The following ANKRD6 variants were observed in gnomAD, a reference collection of about 807,000 sequenced individuals.
ANKRD6 encodes ankyrin repeat domain 6.
A neutral mutation model predicts 82.3 loss-of-function variants in ANKRD6; 56 were observed. That is an observed-to-expected ratio of 0.68 (90% CI 0.55 to 0.85). The LOEUF is 0.85. Among genes scored for constraint, ANKRD6 ranks in the 40% least tolerant of loss-of-function variants. The pLI is 0.00. For synonymous variants in ANKRD6, 347 were observed against 352.1 expected (o/e 0.99, Z 0.16); for missense variants, 852 against 907.6 (o/e 0.94, Z 0.79).
At chr6:89,524,778 A>C (rs1782269189) in intron 1 of ANKRD6, among the ~76,000 whole-genome samples, 1 of 152,038 alleles carries the variant, frequency 6.6e-6, no homozygotes, top group African/African-American at 2.4e-5. Flanking sequence ...TAGTAGTTCA[A>C]CTTTTATTTC....
intron 2 of ANKRD6, among the ~76,000 whole-genome samples, chr6:89,581,836 T>C (rs554437941): frequency 6.6e-6 from 1 of 152,346 alleles, no homozygotes; most frequent in East Asian, 1.9e-4. Context: ...CAGGAGCCCA[T>C]GCAGGGCTGC....
chr6:89,480,201 G>A (rs1045783019), intron 1 of ANKRD6, among the ~76,000 whole-genome samples: 4 of 152,180 alleles, frequency 2.6e-5, no homozygotes, highest in African/African-American at 9.7e-5. Context: ...AACTATCCCA[G>A]AAGATCAGCC....
intron 9 of ANKRD6, 83 bp downstream of exon 9, chr6:89,618,114 C>A (rs766261862): frequency 7.0e-7 from 1 of 1,418,926 alleles, no homozygotes; most frequent in South Asian, 1.1e-5. Flanking sequence ...CTACTGAAGC[C>A]TCTTCAAACT....
chr6:89,526,251 G>T (rs901321792), intron 1 of ANKRD6, among the ~76,000 whole-genome samples: 1 of 152,210 alleles, frequency 6.6e-6, no homozygotes, highest in African/African-American at 2.4e-5. Flanking sequence ...CTCCAGAGTG[G>T]TCTAATGGTC....
chr6:89,574,395 A>G (rs1210595222), intron 2 of ANKRD6, among the ~76,000 whole-genome samples: 3 of 152,228 alleles, frequency 2.0e-5, no homozygotes, highest in African/African-American at 4.8e-5. Flanking sequence ...GATTAGGCCA[A>G]TCATGACAGG....
chr6:89,481,871 T>C (rs968813441), intron 1 of ANKRD6, among the ~76,000 whole-genome samples: 1 of 152,204 alleles, frequency 6.6e-6, no homozygotes, highest in African/African-American at 2.4e-5. Flanking sequence ...CCTTCTACTA[T>C]GTGATGAAGC....
intron 1 of ANKRD6, among the ~76,000 whole-genome samples, chr6:89,501,077 G>T (rs991973607): frequency 1.3e-5 from 2 of 151,602 alleles, no homozygotes; most frequent in African/African-American, 4.9e-5. Flanking sequence ...TGCACCTGAG[G>T]CCATTTCTTA....
At chr6:89,608,861 A>G (rs1799479798) in intron 5 of ANKRD6, among the ~76,000 whole-genome samples, 1 of 151,920 alleles carries the variant, frequency 6.6e-6, no homozygotes, top group Non-Finnish European at 1.5e-5. Context: ...CCCTCCTTTC[A>G]TCCTGCTCTT....
At chr6:89,443,140 T>C (rs1273512626) in intron 1 of ANKRD6, among the ~76,000 whole-genome samples, 1 of 152,164 alleles carries the variant, frequency 6.6e-6, no homozygotes, top group Non-Finnish European at 1.5e-5. Context: ...TTTTGTCAGT[T>C]TGAAGATCTC....
intron 1 of ANKRD6, among the ~76,000 whole-genome samples, chr6:89,490,557 G>A (rs980461765): frequency 3.9e-5 from 6 of 152,172 alleles, no homozygotes; most frequent in Admixed American, 3.3e-4. Context: ...AGATGATAGC[G>A]GGGAGACAGG....
intron 3 of ANKRD6, among the ~76,000 whole-genome samples, chr6:89,600,102 T>G (rs1796779823): frequency 1.3e-5 from 2 of 152,174 alleles, no homozygotes; most frequent in South Asian, 2.1e-4. Context: ...TCCTTGAGTC[T>G]TGCTAGTCTG....
intron 1 of ANKRD6, among the ~76,000 whole-genome samples, chr6:89,488,725 ACTTGACTCATTTTGAT>A (rs1466869703): frequency 6.6e-6 from 1 of 152,202 alleles, no homozygotes; most frequent in African/African-American, 2.4e-5. Context: ...TTGATTGAAT[ACTTGACTCATTTTGAT>A]CAAGAACAGT....
At chr6:89,450,692 G>A (rs1435108138) in intron 1 of ANKRD6, among the ~76,000 whole-genome samples, 1 of 135,716 alleles carries the variant, frequency 7.4e-6, no homozygotes, top group Non-Finnish European at 1.6e-5. Flanking sequence ...TTTTTTTTTT[G>A]TAGAGATGGG....
intron 1 of ANKRD6, among the ~76,000 whole-genome samples, chr6:89,541,387 CTTTTTTTTTTTTT>C (rs58643589): frequency 3.1e-5 from 2 of 64,074 alleles, no homozygotes; most frequent in Non-Finnish European, 5.3e-5. Context: ...TTACGTGTGG[CTTTTTTTTTTTTT>C]TTTTTTTTTT....
chr6:89,542,135 C>T (rs1784514210), intron 1 of ANKRD6, among the ~76,000 whole-genome samples: 1 of 152,050 alleles, frequency 6.6e-6, no homozygotes, highest in Non-Finnish European at 1.5e-5. Context: ...AACTAAAAAA[C>T]CAAGTTAGAA....
chr6:89,539,125 A>G (rs191734588), intron 1 of ANKRD6, among the ~76,000 whole-genome samples: 246 of 152,312 alleles, frequency 1.6e-3, no homozygotes, highest in Non-Finnish European at 2.4e-3. Flanking sequence ...ATTTAATGTT[A>G]CAGGATGAAT....
At chr6:89,580,848 C>G (rs1397643541) in intron 2 of ANKRD6, among the ~76,000 whole-genome samples, 2 of 152,160 alleles carry the variant, frequency 1.3e-5, no homozygotes, top group African/African-American at 4.8e-5. Flanking sequence ...CTGTCACTCC[C>G]CAGGACGTGG....
At chr6:89,469,326 T>G (rs1405380462) in intron 1 of ANKRD6, among the ~76,000 whole-genome samples, 1 of 152,158 alleles carries the variant, frequency 6.6e-6, no homozygotes, top group East Asian at 1.9e-4. Flanking sequence ...CACATTAGCT[T>G]TTTCATTGGG....
intron 1 of ANKRD6, among the ~76,000 whole-genome samples, chr6:89,446,374 T>A (rs1258662796): frequency 2.0e-5 from 3 of 151,856 alleles, no homozygotes; most frequent in Non-Finnish European, 2.9e-5. Context: ...ATAAATAAAT[T>A]AAATAAAATT....
Sources: allele counts gnomAD v4.1 joint callset (sites outside exome capture counted in the v4.1 genomes callset), GRCh38; gene constraint gnomAD v4.1.1; transcripts MANE v1.5; gene names NCBI Gene and HGNC (gene_info 2026-07-23, HGNC 2026-07-21).